The following GAS6 variants were observed in gnomAD, a reference collection of about 807,000 sequenced individuals.
The protein encoded by GAS6 is growth arrest-specific protein 6.
GAS6 carries 41 observed loss-of-function variants against 75.8 expected under a neutral mutation model. That is an observed-to-expected ratio of 0.54 (90% CI 0.42 to 0.70). The LOEUF (loss-of-function observed/expected upper bound fraction) is 0.70. Among genes scored for constraint, GAS6 ranks in the 30% least tolerant of loss-of-function variants. The pLI is 0.00. For missense variants in GAS6, 854 were observed against 940.2 expected (o/e 0.91, Z 1.20); for synonymous variants, 432 against 412.6 (o/e 1.05, Z -0.57).
chr13:113,832,041 G>A (rs867526628), intron 10 of GAS6, among the ~76,000 whole-genome samples: 1 of 22,604 alleles, frequency 4.4e-5, no homozygotes, highest in East Asian at 1.3e-3. Flanking sequence ...TGAACTAAAC[G>A]GGGCAGGGGT....
At position 113,848,453 on chromosome 13, in the gene GAS6, T is replaced by G. The variant is rs955952214; in HGVS notation, c.256-403A>C. Among the ~76,000 whole-genome samples, 5 of 152,208 alleles carry G rather than the reference T, an allele frequency of 3.3e-5. No homozygotes were observed. The highest frequency in any genetic ancestry group is 1.2e-4 in the African/African-American group (5 of 41,452). On this transcript the variant is annotated intron_variant, in intron 2 of 14. Coordinates refer to ENST00000327773, the MANE Select transcript of GAS6 (RefSeq NM_000820.4). This position sits in a 1 kb window ranked among gnomAD's most constrained non-coding sequence, Gnocchi z 4.8. ...GGGCATTGATTTGCACTTATAGTAT[T>G]GGTGAAACAAAATTGGTACTGGGTG... is the stretch of plus-strand genomic sequence containing the variant.
In GAS6 at chr13:113,832,692, G is replaced by A. The variant is rs149144442; in HGVS notation, c.895C>T (p.Arg299Trp). The part of the protein sequence containing the change: ...AKSVKSLYLG[R>W]MFSGTPVIRL... ...ATCACGGGGGTCCCACTGAACATCC[G>A]GCCCAGGTACAAGGACTTCACACTC... The change falls in exon 9 of 15, where the codon CGG becomes TGG. Residue 299 changes from arginine to tryptophan, a missense_variant. Physicochemically the swap from Arg to Trp is moderately radical, Grantham distance 101. Transcript: ENST00000327773. 2.1e-4 allele frequency: 334 copies of A among 1,612,586 alleles called. 1 individual carries two copies. Among genetic ancestry groups the A allele is most frequent in the Non-Finnish European group, 2.7e-4 (320 of 1,179,972 alleles).
chr13:113,856,040 T>C (rs1474895028), intron 2 of GAS6, among the ~76,000 whole-genome samples: 1 of 152,188 alleles, frequency 6.6e-6, no homozygotes, highest in Non-Finnish European at 1.5e-5. Context: ...CTGGCCTCAC[T>C]GAGCAGCAAC....
intron 13 of GAS6, chr13:113,822,938 G>C (rs954620679): frequency 6.3e-6 from 1 of 158,828 alleles, no homozygotes; most frequent in African/African-American, 2.4e-5. Context: ...AGGGGCAGCT[G>C]CACTCAGCTC....
At chr13:113,826,160 G>A (rs1566354189) in intron 12 of GAS6, among the ~76,000 whole-genome samples, 1 of 152,216 alleles carries the variant, frequency 6.6e-6, no homozygotes, top group Non-Finnish European at 1.5e-5. Flanking sequence ...TGGGCCAGCA[G>A]CTCACATCCA....
rs1005987192 is a variant in GAS6 at position 113,821,952 on chromosome 13, A to G, written c.1882+6T>C. 7 of 1,525,036 alleles carry G rather than the reference A, an allele frequency of 4.6e-6. No individual in the cohort carries two copies. The highest frequency in any genetic ancestry group is 6.2e-6 in the Non-Finnish European group (7 of 1,138,208). 94.5% of individuals were successfully genotyped at this position (1,525,036 alleles called of 1,614,324 possible). On this transcript the variant is annotated splice_donor_region_variant and intron_variant, in intron 14 of 14. Transcript: ENST00000327773. Reference sequence around the variant, plus strand: ...ACCCGGGTTGAGCGGAGCAGGGAGCACCTACCTGGCAGGCCGCCAGCAAAG... The same window carrying G: ...ACCCGGGTTGAGCGGAGCAGGGAGCGCCTACCTGGCAGGCCGCCAGCAAAG...
intron 7 of GAS6, among the ~76,000 whole-genome samples, 181 bp downstream of exon 7, chr13:113,835,332 G>A (rs754219891): frequency 7.2e-5 from 11 of 152,216 alleles, no homozygotes; most frequent in Admixed American, 1.3e-4. Context: ...GCCTGTGTGT[G>A]CTCACGTGTG....
rs1051109095 is a variant in GAS6 at position 113,863,463 on chromosome 13, G to A, written c.255+112C>T. The A allele has an allele frequency of 4.5e-6, 5 of 1,108,798 alleles. No homozygotes were observed. The highest frequency in any genetic ancestry group is 5.9e-6 in the Non-Finnish European group (5 of 843,276). The allele number at this position is 1,108,798 out of a possible 1,614,324, so 68.7% of individuals were successfully genotyped here. ...GGGCCGGGGCTCCTGGGACCCTGAG[G>A]CCAGGCCTCGCCGCGCGGAGCTGGG... On this transcript the variant is annotated intron_variant, in intron 2 of 14. Coordinates refer to ENST00000327773, the MANE Select transcript of GAS6 (RefSeq NM_000820.4). The surrounding 1 kb of genome is among the most constrained non-coding windows in gnomAD (Gnocchi z 9.4).
At chr13:113,839,639 G>A in intron 5 of GAS6, 89 bp downstream of exon 5, 1 of 1,527,286 alleles carries the variant, frequency 6.5e-7, no homozygotes. Context: ...CCTGAGGATG[G>A]CCGTGCCCCG....
At position 113,863,686 on chromosome 13, in the gene GAS6, G is replaced by C; in HGVS notation, c.144C>G (p.Arg48=). Residue 48 remains arginine (R), a synonymous_variant, in exon 2 of 15, where the codon CGC becomes CGG. Transcript: ENST00000327773. This position sits in a 1 kb window ranked among gnomAD's most constrained non-coding sequence, Gnocchi z 9.4. ...ATQFLRPRQR[R]AFQVFEEAKQ... is the part of the protein sequence containing the mutation. ...TGGCCTCCTCGAAGACCTGAAAGGCGCGGCGCTGCCTGGGCCGCAGGAACT... is the reference window on the plus strand; with the variant it reads ...TGGCCTCCTCGAAGACCTGAAAGGCCCGGCGCTGCCTGGGCCGCAGGAACT... 1 of 1,517,394 alleles carries C rather than the reference G, an allele frequency of 6.6e-7. No homozygotes were observed. Among genetic ancestry groups the C allele is most frequent in the Non-Finnish European group, 8.8e-7 (1 of 1,133,754 alleles). The allele number at this position is 1,517,394 out of a possible 1,614,324, so 94.0% of individuals were successfully genotyped here.
chr13:113,822,345 A>G (rs992241066), intron 13 of GAS6, 159 bp from the exon 14 acceptor site: 3 of 539,344 alleles, frequency 5.6e-6, no homozygotes, highest in South Asian at 3.0e-5. Flanking sequence ...CTGACTGTGG[A>G]TGACACCCCC....
rs1283867725 is a variant in GAS6, at chr13:113,844,070, G to A, written c.343+2457C>T. On this transcript the variant is annotated intron_variant, in intron 4 of 14. Transcript: ENST00000327773. The surrounding 1 kb of genome is among the most constrained non-coding windows in gnomAD (Gnocchi z 5.7). Reference sequence around the variant, plus strand: ...GAGGCCCCAGCCACGTGCTCTGGAGGAGAAGCTGAGAGCCCCAGGCCACAG... The same window carrying A: ...GAGGCCCCAGCCACGTGCTCTGGAGAAGAAGCTGAGAGCCCCAGGCCACAG... The A allele has an allele frequency of 6.6e-6, 1 of 150,826 alleles. No homozygotes were observed. Among genetic ancestry groups the A allele is most frequent in the Non-Finnish European group, 1.5e-5 (1 of 68,042 alleles). 9.3% of individuals were successfully genotyped at this position (150,826 alleles called of 1,614,324 possible).
At chr13:113,829,010 G>C (rs1478830707) in intron 10 of GAS6, among the ~76,000 whole-genome samples, 1 of 93,206 alleles carries the variant, frequency 1.1e-5, no homozygotes, top group Non-Finnish European at 1.9e-5. Flanking sequence ...ATCTCAGGGA[G>C]ACCACCTGAT....
rs145118116 is a variant in GAS6, at chr13:113,851,594, T to G, written c.256-3544A>C. 2.7e-3 allele frequency among the ~76,000 whole-genome samples: 411 copies of G among 150,600 alleles called. 7 individuals are homozygous for G. Among genetic ancestry groups the G allele is most frequent in the African/African-American group, 9.3e-3 (378 of 40,864 alleles). On this transcript the variant is annotated intron_variant, in intron 2 of 14. Transcript: ENST00000327773. ...GTGGGTGAATGGGTGACTGGATGGATGGAGATGGATGAATAAATGAAGGAA... is the reference window on the plus strand; with the variant it reads ...GTGGGTGAATGGGTGACTGGATGGAGGGAGATGGATGAATAAATGAAGGAA...
intron 10 of GAS6, 22 bp downstream of exon 10, chr13:113,832,277 G>A (rs1208093797): frequency 1.9e-6 from 3 of 1,593,796 alleles, no homozygotes; most frequent in Admixed American, 1.7e-5. Flanking sequence ...AGGCCTGGAA[G>A]GGGTGGCTGC....
At chr13:113,861,626 G>A (rs74118418) in intron 2 of GAS6, among the ~76,000 whole-genome samples, 18,621 of 152,180 alleles carry the variant, frequency 0.12, 1,739 homozygotes, top group African/African-American at 0.27. Context: ...AGGATGCAGT[G>A]GAGACTAGGG....
intron 10 of GAS6, among the ~76,000 whole-genome samples, chr13:113,830,110 G>A (rs1158589710): frequency 2.0e-5 from 3 of 152,276 alleles, no homozygotes; most frequent in South Asian, 2.1e-4. Flanking sequence ...AAAGTCTAAT[G>A]CTAGATACAC....
chr13:113,858,056 C>G (rs1359112906), intron 2 of GAS6, among the ~76,000 whole-genome samples: 1 of 152,210 alleles, frequency 6.6e-6, no homozygotes, highest in African/African-American at 2.4e-5. Context: ...AGGCAGGGGG[C>G]TCTGGGAGTG....
rs201844484 is a variant in GAS6 at position 113,821,938 on chromosome 13, G to A, written c.1882+20C>T. On this transcript the variant is annotated intron_variant, in intron 14 of 14. Transcript: ENST00000327773. The stretch of plus-strand genomic sequence containing the variant: ...CCCTGGAGCTCTTCACCCGGGTTGA[G>A]CGGAGCAGGGAGCACCTACCTGGCA... The A allele has an allele frequency of 5.3e-4, 797 of 1,504,642 alleles. 3 individuals are homozygous for A. The African/African-American group carries it at 9.5e-3, about 18-fold the overall frequency. The allele number at this position is 1,504,642 out of a possible 1,614,324, so 93.2% of individuals were successfully genotyped here. A position where few individuals can be genotyped will look rare whatever the true frequency, so the allele number is the denominator to read the frequency against.
Sources: allele counts gnomAD v4.1 joint callset (sites outside exome capture counted in the v4.1 genomes callset), GRCh38; gene constraint gnomAD v4.1.1; non-coding constraint Gnocchi (gnomAD v3.1); transcripts MANE v1.5; gene names NCBI Gene and HGNC (gene_info 2026-07-23, HGNC 2026-07-21).